Variants in TNKS1BP1 observed in about 807,000 individuals in gnomAD.
TNKS1BP1 encodes CCR4-NOT transcription complex subunit 12.
A neutral mutation model predicts 141.1 loss-of-function variants in TNKS1BP1; 48 were observed. That is an observed-to-expected ratio of 0.34 (90% CI 0.27 to 0.43). The LOEUF (loss-of-function observed/expected upper bound fraction) is 0.43. TNKS1BP1 is among the 20% of genes least tolerant of loss of function. TNKS1BP1 has a pLI of 1.00. For missense variants in TNKS1BP1, 2,149 were observed against 2,226.0 expected, an observed-to-expected ratio of 0.97 and a Z score of 0.70; for synonymous variants, 875 against 898.2, an observed-to-expected ratio of 0.97 and a Z score of 0.46.
At chr11:57,320,856 C>T (rs1855874922) in intron 2 of TNKS1BP1, 144 bp from the exon 3 acceptor site, 3 of 992,876 alleles carry the variant, frequency 3.0e-6, no homozygotes, top group East Asian at 5.5e-5. Context: ...CCACCTCTTC[C>T]ATGAAGCCTT....
At chr11:57,314,010 C>G in intron 4 of TNKS1BP1, 121 bp from the exon 5 acceptor site, 5 of 1,169,464 alleles carry the variant, frequency 4.3e-6, no homozygotes, top group Non-Finnish European at 5.6e-6. Flanking sequence ...GCAACTGGAA[C>G]CCGAGGGGGT....
At position 57,313,954 on chromosome 11, in the gene TNKS1BP1, C is replaced by T. The variant is rs549985925; in HGVS notation, c.799-65G>A. 446 of 1,394,136 alleles carry T rather than the reference C, an allele frequency of 3.2e-4. 2 individuals carry two copies. The South Asian group carries it at 6.0e-3, about 19-fold the overall frequency. 86.4% of individuals were successfully genotyped at this position (1,394,136 alleles called of 1,614,324 possible). Reference sequence around the variant, plus strand: ...TCAGCGGGGCGGGGAGGGTCCCCTCCGACCCCACACAGACCCCAGGTCAGC... The same window carrying T: ...TCAGCGGGGCGGGGAGGGTCCCCTCTGACCCCACACAGACCCCAGGTCAGC... On this transcript the variant is annotated intron_variant, in intron 4 of 11. Coordinates refer to ENST00000358252, the MANE Select transcript of TNKS1BP1 (RefSeq NM_033396.3).
chr11:57,309,047 C>G lies in TNKS1BP1; in HGVS notation c.3664G>C (p.Val1222Leu). ...GGSEEPGGIG[V>L]GEKDWTSDVN... The stretch of plus-strand genomic sequence containing the variant: ...TCAGAAGTCCAGTCCTTCTCCCCAA[C>G]TCCGATTCCCCCCGGCTCTTCAGAC... The change falls in exon 6 of 12, where the codon GTT (valine) becomes CTT (leucine). Residue 1222 changes from valine (V) to leucine (L), a missense_variant. Physicochemically the swap from Val to Leu is conservative, Grantham distance 32. Coordinates refer to ENST00000358252, the MANE Select transcript of TNKS1BP1 (RefSeq NM_033396.3). The surrounding 1 kb of genome is among the most constrained non-coding windows in gnomAD (Gnocchi z 4.3). 6.2e-7 allele frequency: 1 copy of G among 1,614,218 alleles called. No homozygotes were observed. Among genetic ancestry groups the G allele is most frequent in the Non-Finnish European group, 8.5e-7 (1 of 1,180,048 alleles).
Position 57,320,444 on chromosome 11 carries a change from C to T in TNKS1BP1, c.363G>A (p.Glu121=). The T allele has an allele frequency of 6.2e-7, 1 of 1,607,754 alleles. No individual in the cohort carries two copies. The highest frequency in any genetic ancestry group is 8.5e-7 in the Non-Finnish European group (1 of 1,175,688). ...AAGGGGGTGGCTCCTCTTTCCCAGC[C>T]TCCTCTTTCCCAGTCTCTTGGGTGG... The part of the protein sequence containing the change: ...GEATQETGKE[E]AGKEEPPPLT... Residue 121 remains glutamate, a synonymous_variant, in exon 3 of 12, where the codon GAG becomes GAA. Coordinates refer to ENST00000358252, the MANE Select transcript of TNKS1BP1 (RefSeq NM_033396.3).
chr11:57,316,777 A>C (rs1018375899), intron 4 of TNKS1BP1, among the ~76,000 whole-genome samples: 1 of 151,912 alleles, frequency 6.6e-6, no homozygotes, highest in African/African-American at 2.4e-5. Flanking sequence ...TGCTGATCTT[A>C]CCTCCCTGCA....
chr11:57,301,114 T>A (rs1233619129), intron 9 of TNKS1BP1, 73 bp from the exon 10 acceptor site: 1 of 1,443,270 alleles, frequency 6.9e-7, no homozygotes, highest in Admixed American at 2.4e-5. Flanking sequence ...TAAGACCTTA[T>A]CTCAAGAGTG....
At chr11:57,311,692 G>C (rs1472491854) in intron 5 of TNKS1BP1, among the ~76,000 whole-genome samples, 2 of 152,008 alleles carry the variant, frequency 1.3e-5, no homozygotes, top group African/African-American at 2.4e-5. Flanking sequence ...GGCCCGGCTT[G>C]AGAAATAAAT....
chr11:57,300,579 G>T lies in TNKS1BP1; in HGVS notation c.5151C>A (p.Asn1717Lys). 1 of 1,614,234 alleles carries T rather than the reference G, an allele frequency of 6.2e-7. No homozygotes were observed. The highest frequency in any genetic ancestry group is 8.5e-7 in the Non-Finnish European group (1 of 1,180,046). ...KSSGSEGSSP[N>K]WLQALKLKKK... ...TCTTCAGTTTCAGGGCTTGAAGCCA[G>T]TTGGGCGACGATCCTTCTGACCTAG... The change falls in exon 11 of 12, where the codon AAC (asparagine) becomes AAA (lysine). Residue 1717 changes from asparagine to lysine, a missense_variant. By Grantham distance (94) the Asn-to-Lys change is moderately conservative. Coordinates refer to ENST00000358252, the MANE Select transcript of TNKS1BP1 (RefSeq NM_033396.3).
Position 57,308,490 on chromosome 11 carries a change from T to A in TNKS1BP1, c.4221A>T (p.Pro1407=). 1 of 1,614,214 alleles carries A rather than the reference T, an allele frequency of 6.2e-7. No homozygotes were observed. The highest frequency in any genetic ancestry group is 1.1e-5 in the South Asian group (1 of 91,086). The change falls in exon 6 of 12, where the codon CCA becomes CCT. Residue 1407 remains proline (P), a synonymous_variant. Transcript: ENST00000358252. ...AGGAGTAATCTTCACCCTGGGTCTCTGGCCCACTTGTCTCACCAACCCCCA... is the reference window on the plus strand; with the variant it reads ...AGGAGTAATCTTCACCCTGGGTCTCAGGCCCACTTGTCTCACCAACCCCCA... ...RELGVGETSG[P]ETQGEDYSSS... is the part of the protein sequence containing the mutation.
chr11:57,311,058 C>T (rs1459313584), intron 5 of TNKS1BP1, among the ~76,000 whole-genome samples: 2 of 152,196 alleles, frequency 1.3e-5, no homozygotes, highest in African/African-American at 4.8e-5. Context: ...CCCCCATCCT[C>T]CTATAAGTAC....
intron 3 of TNKS1BP1, among the ~76,000 whole-genome samples, chr11:57,319,353 G>A (rs539115769): frequency 6.6e-6 from 1 of 152,242 alleles, no homozygotes; most frequent in South Asian, 2.1e-4. Flanking sequence ...AACTTGCCGA[G>A]ACTATGGAGT....
Position 57,313,346 on chromosome 11 carries a change from C to T in TNKS1BP1, c.1342G>A (p.Ala448Thr). Reference sequence around the variant, plus strand: ...CTCCCCTGGCCTTGGGGCAGGGCAGCCAGCGAGCCCCCCAGCTTCTCCTGG... The same window carrying T: ...CTCCCCTGGCCTTGGGGCAGGGCAGTCAGCGAGCCCCCCAGCTTCTCCTGG... ...QDQEKLGGSLAALPQGQGSQL... is the reference protein window; with the variant it reads ...QDQEKLGGSLTALPQGQGSQL... The change falls in exon 5 of 12, where the codon GCT (alanine) becomes ACT (threonine). Residue 448 changes from alanine (A) to threonine (T), a missense_variant. Coordinates refer to ENST00000358252, the MANE Select transcript of TNKS1BP1 (RefSeq NM_033396.3). The T allele has an allele frequency of 6.2e-7, 1 of 1,612,614 alleles. No individual in the cohort carries two copies. The highest frequency in any genetic ancestry group is 8.5e-7 in the Non-Finnish European group (1 of 1,179,748).
intron 2 of TNKS1BP1, among the ~76,000 whole-genome samples, chr11:57,321,017 T>C (rs573165341): frequency 1.2e-3 from 185 of 152,292 alleles, no homozygotes; most frequent in African/African-American, 3.8e-3. Context: ...CTAGCATAAG[T>C]TATAATTAAA....
In TNKS1BP1 at chr11:57,301,019, C is replaced by A. The variant is rs768852853; in HGVS notation, c.4994G>T (p.Arg1665Leu). The A allele has an allele frequency of 1.2e-6, 2 of 1,613,158 alleles. No individual in the cohort carries two copies. The highest frequency in any genetic ancestry group is 2.2e-5 in the South Asian group (2 of 90,976). Reference protein sequence around the residue: ...ALKAKLRPRNRSAEEGELAES... With the variant: ...ALKAKLRPRNLSAEEGELAES... ...AGCCAGCTCTCCCTCCTCAGCTGAG[C>A]GATTCCGGGGGCGCAGCTTGGCCTG... The change falls in exon 10 of 12, where the codon CGC becomes CTC. Residue 1665 changes from arginine to leucine, a missense_variant. Physicochemically the swap from Arg to Leu is moderately radical, Grantham distance 102. Coordinates refer to ENST00000358252, the MANE Select transcript of TNKS1BP1 (RefSeq NM_033396.3).
rs78489201 is a variant in TNKS1BP1, at chr11:57,309,346, T to G, written c.3365A>C (p.Tyr1122Ser). 113,225 of 1,614,056 alleles carry G rather than the reference T, an allele frequency of 0.07. 4,662 individuals carry two copies. Among genetic ancestry groups the G allele is most frequent in the Middle Eastern group, 0.13 (805 of 6,062 alleles). Residue 1122 changes from tyrosine to serine, a missense_variant, in exon 6 of 12, where the codon TAT becomes TCT. Physicochemically the swap from Tyr to Ser is moderately radical, Grantham distance 144. Coordinates refer to ENST00000358252, the MANE Select transcript of TNKS1BP1 (RefSeq NM_033396.3). This position sits in a 1 kb window ranked among gnomAD's most constrained non-coding sequence, Gnocchi z 4.3. Reference protein sequence around the residue: ...DFCIEASERSYQFGIIGNDRV... With the variant: ...DFCIEASERSSQFGIIGNDRV... ...GTCGTTGCCAATGATGCCAAACTGATAGCTCCTCTCACTGGCCTCGATGCA... is the reference window on the plus strand; with the variant it reads ...GTCGTTGCCAATGATGCCAAACTGAGAGCTCCTCTCACTGGCCTCGATGCA...
chr11:57,318,952 G>A (rs921498174), intron 3 of TNKS1BP1, among the ~76,000 whole-genome samples: 5 of 152,052 alleles, frequency 3.3e-5, no homozygotes, highest in African/African-American at 1.2e-4. Context: ...AGACCATCCT[G>A]GCTAACACAG....
Position 57,312,798 on chromosome 11 carries a change from GGGCTGGTCAGGGGCTGCT to G in TNKS1BP1, c.1872_1889del (p.Ala625_Pro630del). 6.2e-7 allele frequency: 1 copy of G among 1,611,878 alleles called. No individual in the cohort carries two copies. The highest frequency in any genetic ancestry group is 8.5e-7 in the Non-Finnish European group (1 of 1,178,928). On this transcript the variant is annotated inframe_deletion, in exon 5 of 12. Transcript: ENST00000358252. ...CAGGGGCATCAGCAAAGAGAACACAGGGCTGGTCAGGGGCTGCTGGCTGCTCCTGCCCCAGGACTGGCT... is the reference window on the plus strand; with the variant it reads ...CAGGGGCATCAGCAAAGAGAACACAGGGCTGCTCCTGCCCCAGGACTGGCT...
chr11:57,308,693 C>A lies in TNKS1BP1; in HGVS notation c.4018G>T (p.Gly1340Trp). 2 of 1,613,030 alleles carry A rather than the reference C, an allele frequency of 1.2e-6. No homozygotes were observed. The highest frequency in any genetic ancestry group is 1.7e-6 in the Non-Finnish European group (2 of 1,180,018). The change falls in exon 6 of 12, where the codon GGG (glycine) becomes TGG (tryptophan). Residue 1340 changes from glycine (G) to tryptophan (W), a missense_variant. Gly to Trp is a radical substitution (Grantham distance 184). Transcript: ENST00000358252. Reference sequence around the variant, plus strand: ...AAGTCCTGGGTCCAGTCCATCTGCCCCACTCCACATCCCCGTAGCCCCTGA... The same window carrying A: ...AAGTCCTGGGTCCAGTCCATCTGCCACACTCCACATCCCCGTAGCCCCTGA... ...GSQGLRGCGV[G>W]QMDWTQDLAP...
Position 57,302,741 on chromosome 11 carries a change from C to T in TNKS1BP1, c.4401G>A (p.Ala1467=), listed in dbSNP as rs1486786385. Reference sequence around the variant, plus strand: ...AGGCCGCTGACTCCCTCCGAGCCACCGCCTTGGAGCTGCTGGCTGCCAGCA... The same window carrying T: ...AGGCCGCTGACTCCCTCCGAGCCACTGCCTTGGAGCTGCTGGCTGCCAGCA... ...EEMLAASSSK[A]VARRESAASG... The change falls in exon 7 of 12, where the codon GCG becomes GCA. Residue 1467 remains alanine, a synonymous_variant. Transcript: ENST00000358252. The surrounding 1 kb of genome is among the most constrained non-coding windows in gnomAD (Gnocchi z 5.5). 1.6e-5 allele frequency: 25 copies of T among 1,584,332 alleles called. No homozygotes were observed. The highest frequency in any genetic ancestry group is 3.3e-4 in the Middle Eastern group (2 of 6,048).
Sources: allele counts gnomAD v4.1 joint callset (sites outside exome capture counted in the v4.1 genomes callset), GRCh38; gene constraint gnomAD v4.1.1; non-coding constraint Gnocchi (gnomAD v3.1); transcripts MANE v1.5; gene names NCBI Gene and HGNC (gene_info 2026-07-23, HGNC 2026-07-21).